Variants in SHLD1 observed in about 807,000 individuals in gnomAD.
SHLD1 encodes shieldin complex subunit 1, also known as RINN1-REV7-interacting novel NHEJ regulator 3.
SHLD1 carries 3 observed loss-of-function variants against 5.5 expected under a neutral mutation model. That is an observed-to-expected ratio of 0.54 (90% CI 0.25 to 1.40). The LOEUF (loss-of-function observed/expected upper bound fraction) is 1.40, where lower values mean the gene tolerates loss of function less well. SHLD1 is among the 40% of genes most tolerant of loss of function. The probability of loss-of-function intolerance (pLI) is 0.15; values close to 1 mark genes in which losing one functional copy is unlikely to be tolerated. For missense variants in SHLD1, 210 were observed against 244.4 expected (o/e 0.86, Z 0.94); for synonymous variants, 92 against 94.3 (o/e 0.98, Z 0.14).
intron 2 of SHLD1, chr20:5,773,392 A>C (rs1985280374): frequency 1.8e-6 from 1 of 557,646 alleles, no homozygotes; most frequent in African/African-American, 1.9e-5. Flanking sequence ...AACTTCAGAA[A>C]ATAGCAATGT....
At chr20:5,774,225 A>G (rs1985324897) in intron 2 of SHLD1, among the ~76,000 whole-genome samples, 1 of 152,092 alleles carries the variant, frequency 6.6e-6, no homozygotes, top group Non-Finnish European at 1.5e-5. Context: ...CAAAAAACAA[A>G]CAACAACAAA....
At position 5,778,243 on chromosome 20, in the gene SHLD1, A is replaced by C. The variant is rs567552779; in HGVS notation, c.178+5200A>C. ...GCCATTCTCCTGCGTCAGCCTCCCAAGTAGCTAGGACTACAGGTGCCCACC... is the reference window on the plus strand; with the variant it reads ...GCCATTCTCCTGCGTCAGCCTCCCACGTAGCTAGGACTACAGGTGCCCACC... On this transcript the variant is annotated intron_variant, in intron 2 of 2. Coordinates refer to ENST00000303142, the MANE Select transcript of SHLD1 (RefSeq NM_152504.4). 7.4e-5 allele frequency among the ~76,000 whole-genome samples: 11 copies of C among 148,526 alleles called. No homozygotes were observed. The East Asian group carries it at 2.2e-3, about 30-fold the overall frequency.
intron 1 of SHLD1, among the ~76,000 whole-genome samples, chr20:5,753,099 G>A (rs1219148539): frequency 1.3e-5 from 2 of 151,986 alleles, no homozygotes; most frequent in South Asian, 2.1e-4. Flanking sequence ...GCACCTGGCC[G>A]ACATAAAATA....
At chr20:5,817,199 T>G (rs551669739) in intron 2 of SHLD1, among the ~76,000 whole-genome samples, 52 of 152,336 alleles carry the variant, frequency 3.4e-4, no homozygotes, top group Admixed American at 1.0e-3. Context: ...TTTCTCCTGA[T>G]TATAGGTAAT....
Position 5,772,947 on chromosome 20 carries a change from G to T in SHLD1, c.82G>T (p.Asp28Tyr), listed in dbSNP as rs1985249245. Reference protein sequence around the residue: ...LDLPSACDIRDYVLQGPSQEA... With the variant: ...LDLPSACDIRYYVLQGPSQEA... ...CCTGCCATCAGCGTGTGACATAAGA[G>T]ATTACGTCCTGCAGGGACCCAGCCA... The change falls in exon 2 of 3, where the codon GAT becomes TAT. Residue 28 changes from aspartate (D) to tyrosine (Y), a missense_variant. Transcript: ENST00000303142. The T allele has an allele frequency of 6.2e-7, 1 of 1,614,146 alleles. No homozygotes were observed. Among genetic ancestry groups the T allele is most frequent in the Admixed American group, 1.7e-5 (1 of 60,018 alleles).
At chr20:5,829,879 A>AG (rs201584007) in intron 2 of SHLD1, among the ~76,000 whole-genome samples, 1 of 102,286 alleles carries the variant, frequency 9.8e-6, no homozygotes, top group South Asian at 2.8e-4. Context: ...CCTCTTCTTT[A>AG]GGAAAAAAAA....
intron 2 of SHLD1, among the ~76,000 whole-genome samples, chr20:5,811,109 T>C (rs1307188838): frequency 2.0e-5 from 3 of 152,170 alleles, no homozygotes; most frequent in African/African-American, 4.8e-5. Flanking sequence ...GGGTGATCGA[T>C]GCCAAGTATT....
At chr20:5,844,694 T>C (rs2087905730) in intron 2 of SHLD1, among the ~76,000 whole-genome samples, 1 of 151,572 alleles carries the variant, frequency 6.6e-6, no homozygotes, top group South Asian at 2.1e-4. Context: ...TGATGTTCCT[T>C]CCAGTTACAG....
chr20:5,796,342 A>G (rs1257964558), intron 2 of SHLD1, among the ~76,000 whole-genome samples: 1 of 152,178 alleles, frequency 6.6e-6, no homozygotes, highest in East Asian at 1.9e-4. Context: ...ATTACTATAA[A>G]AAGGCATAGA....
rs199991719 is a variant in SHLD1, at chr20:5,855,658, C to T, written c.179-7366C>T. Among the ~76,000 whole-genome samples, 37 of 152,288 alleles carry T rather than the reference C, an allele frequency of 2.4e-4. 1 individual carries two copies. The East Asian group carries it at 3.9e-3, about 16-fold the overall frequency. ...AAGTGCTGGGATTATAGACATGAGC[C>T]GCCGCACCTGGCCTGCCAACCACAT... On this transcript the variant is annotated intron_variant, in intron 2 of 2. Transcript: ENST00000303142. The surrounding 1 kb of genome is among the most constrained non-coding windows in gnomAD (Gnocchi z 4.4).
chr20:5,758,341 GGAGGGGGAGGGGAAGGA>G (rs1389102217), intron 1 of SHLD1, among the ~76,000 whole-genome samples: 3 of 130,508 alleles, frequency 2.3e-5, no homozygotes, highest in Admixed American at 7.7e-5. Flanking sequence ...GGAGGGGAAG[GGAGGGGGAGGGGAAGGA>G]GAGGGGGAGG....
chr20:5,800,520 C>T (rs1350529160), intron 2 of SHLD1, among the ~76,000 whole-genome samples: 1 of 151,946 alleles, frequency 6.6e-6, no homozygotes. Context: ...ATGATGAAAC[C>T]CTCTACTAGA....
At chr20:5,762,802 G>A (rs1353310238) in intron 1 of SHLD1, among the ~76,000 whole-genome samples, 1 of 151,860 alleles carries the variant, frequency 6.6e-6, no homozygotes, top group Non-Finnish European at 1.5e-5. Flanking sequence ...GTGAAACTCA[G>A]TCTTTACTAA....
At chr20:5,840,640 T>G (rs940746794) in intron 2 of SHLD1, among the ~76,000 whole-genome samples, 5 of 152,240 alleles carry the variant, frequency 3.3e-5, no homozygotes, top group Non-Finnish European at 7.3e-5. Context: ...TTCTTAATAG[T>G]GATCAAGGCA....
At chr20:5,858,128 C>A (rs907840707) in intron 2 of SHLD1, among the ~76,000 whole-genome samples, 1 of 150,272 alleles carries the variant, frequency 6.7e-6, no homozygotes, top group African/African-American at 2.5e-5. Context: ...TCTTAGATTT[C>A]TTTCAGCTCT....
intron 2 of SHLD1, among the ~76,000 whole-genome samples, chr20:5,783,619 CA>C (rs1323269844): frequency 6.6e-6 from 1 of 152,162 alleles, no homozygotes; most frequent in African/African-American, 2.4e-5. Flanking sequence ...TAGAAGGCAG[CA>C]GTGAATTTTA....
At chr20:5,823,083 T>C (rs912791461) in intron 2 of SHLD1, among the ~76,000 whole-genome samples, 1 of 144,828 alleles carries the variant, frequency 6.9e-6, no homozygotes, top group Non-Finnish European at 1.5e-5. Flanking sequence ...CAGTGGTCGG[T>C]TCCCAGTCCT....
chr20:5,822,275 C>T (rs1266898288), intron 2 of SHLD1, among the ~76,000 whole-genome samples: 1 of 152,012 alleles, frequency 6.6e-6, no homozygotes, highest in Non-Finnish European at 1.5e-5. Context: ...CCAGCCAACA[C>T]GATGAAACCC....
chr20:5,814,147 G>A (rs1263086945), intron 2 of SHLD1, among the ~76,000 whole-genome samples: 1 of 151,100 alleles, frequency 6.6e-6, no homozygotes. Context: ...GTAGAGATGG[G>A]GTTTCTCCAT....
Sources: gnomAD v4.1 joint callset for allele counts (sites outside exome capture counted in the v4.1 genomes callset) on GRCh38, gnomAD v4.1.1 for gene constraint, Gnocchi (gnomAD v3.1) non-coding constraint, MANE v1.5 for transcripts, NCBI Gene and HGNC (gene_info 2026-07-23, HGNC 2026-07-21) for gene names.